PCDH11X: variants seen among roughly 807,000 people sequenced by gnomAD.
PCDH11X encodes protocadherin-11 X-linked.
In PCDH11X, 18 loss-of-function variants were observed where a neutral mutation model predicts 53.3. That is an observed-to-expected ratio of 0.34 (90% CI 0.23 to 0.50). The LOEUF (loss-of-function observed/expected upper bound fraction) is 0.50. PCDH11X is among the 20% of genes least tolerant of loss of function. The probability of loss-of-function intolerance (pLI) is 0.98; values close to 1 mark genes in which losing one functional copy is unlikely to be tolerated. For missense variants in PCDH11X, 570 were observed against 1,032.4 expected (o/e 0.55, Z 6.14); for synonymous variants, 279 against 393.3 (o/e 0.71, Z 3.44).
At chrX:92,310,326 T>C (rs1217913569) in intron 8 of PCDH11X, among the ~76,000 whole-genome samples, 4 of 112,613 alleles carry the variant, frequency 3.6e-5, no homozygotes, top group Non-Finnish European at 7.5e-5. Context: ...AATCTTTTTC[T>C]TTTGGAAACA....
At chrX:92,279,611 G>T (rs746453097) in intron 8 of PCDH11X, among the ~76,000 whole-genome samples, 4 of 112,220 alleles carry the variant, frequency 3.6e-5, no homozygotes, top group Non-Finnish European at 5.6e-5. Flanking sequence ...TATAAAGTTG[G>T]TTGGGCAGAA....
At chrX:91,960,673 C>T (rs1470260395) in intron 6 of PCDH11X, among the ~76,000 whole-genome samples, 5 of 111,450 alleles carry the variant, frequency 4.5e-5, no homozygotes, top group Non-Finnish European at 9.4e-5. Flanking sequence ...ATCCACCTGC[C>T]TCGGCCTCCC....
chrX:92,323,786 G>C (rs1329470210), intron 8 of PCDH11X, among the ~76,000 whole-genome samples: 1 of 110,587 alleles, frequency 9.0e-6, no homozygotes, highest in Non-Finnish European at 1.9e-5. Flanking sequence ...AGACTCACCA[G>C]CTTTTTAACA....
At chrX:92,255,838 G>C (rs1603235416) in intron 7 of PCDH11X, among the ~76,000 whole-genome samples, 1 of 112,306 alleles carries the variant, frequency 8.9e-6, no homozygotes, top group South Asian at 3.7e-4. Flanking sequence ...TCTCTTCAAA[G>C]CTGTCAGACA....
chrX:92,221,328 T>C (rs1439108564), intron 7 of PCDH11X, among the ~76,000 whole-genome samples: 24 of 63,958 alleles, frequency 3.8e-4, no homozygotes, highest in East Asian at 1.1e-3. Flanking sequence ...CACACACACA[T>C]ATATACGAAG....
rs1290476824 is a variant in PCDH11X, at chrX:92,622,758, C to T, written c.*3818C>T. The T allele has an allele frequency of 9.1e-6, 1 of 109,376 alleles. No individual in the cohort carries two copies. The highest frequency in any genetic ancestry group is 1.9e-5 in the Non-Finnish European group (1 of 52,331). 9.0% of individuals were successfully genotyped at this position (109,376 alleles called of 1,213,427 possible). On this transcript the variant is annotated 3_prime_UTR_variant, in exon 11 of 11. Coordinates refer to ENST00000682573, the MANE Select transcript of PCDH11X (RefSeq NM_032968.5). ...ATGCAGAGGCCTTAAAATATTCTTTCACAGTAGCTTTCTTACACTAACCGT... is the reference window on the plus strand; with the variant it reads ...ATGCAGAGGCCTTAAAATATTCTTTTACAGTAGCTTTCTTACACTAACCGT...
At chrX:92,451,800 A>C (rs1295959386) in intron 9 of PCDH11X, among the ~76,000 whole-genome samples, 2 of 111,951 alleles carry the variant, frequency 1.8e-5, no homozygotes, top group Non-Finnish European at 3.8e-5. Context: ...TTTAGTAGAC[A>C]GACAGAAATG....
chrX:92,446,837 A>G (rs1256311806), intron 9 of PCDH11X, among the ~76,000 whole-genome samples: 2 of 111,542 alleles, frequency 1.8e-5, no homozygotes, highest in South Asian at 3.7e-4. Context: ...AATGTGGGAA[A>G]GTTTGGAACT....
chrX:92,357,088 A>G (rs1251871099), intron 8 of PCDH11X, among the ~76,000 whole-genome samples: 1 of 102,820 alleles, frequency 9.7e-6, no homozygotes, highest in Non-Finnish European at 2.0e-5. Context: ...GGCCTTTTTT[A>G]TTTTTTCTGA....
At chrX:92,094,179 A>G (rs1224388844) in intron 6 of PCDH11X, among the ~76,000 whole-genome samples, 1 of 107,622 alleles carries the variant, frequency 9.3e-6, no homozygotes, top group Non-Finnish European at 1.9e-5. Flanking sequence ...GTGTGTGTAT[A>G]TATATATAAA....
chrX:91,927,866 A>C (rs1298403980), intron 6 of PCDH11X, among the ~76,000 whole-genome samples: 1 of 111,032 alleles, frequency 9.0e-6, no homozygotes, highest in Non-Finnish European at 1.9e-5. Context: ...TGGCTTAGAC[A>C]TGAACATGAT....
rs776262079 is a variant in PCDH11X at position 92,306,621 on chromosome X, GTAA to G, written c.3144+43492_3144+43494del. On this transcript the variant is annotated intron_variant, in intron 8 of 10. Transcript: ENST00000682573. ...CTATAATTGTAAAGAGATTGAATCA[GTAA>G]TAATAATAATAATTAAAAAAAAAAA... Among the ~76,000 whole-genome samples, 190 of 104,556 alleles carry G rather than the reference GTAA, an allele frequency of 1.8e-3. 1 individual carries two copies. Among genetic ancestry groups the G allele is most frequent in the African/African-American group, 6.0e-3 (172 of 28,873 alleles). 90.8% of individuals were successfully genotyped at this position (104,556 alleles called of 115,157 possible).
At chrX:92,181,349 G>T (rs2065995145) in intron 6 of PCDH11X, among the ~76,000 whole-genome samples, 1 of 111,703 alleles carries the variant, frequency 9.0e-6, no homozygotes, top group Non-Finnish European at 1.9e-5. Flanking sequence ...TGCTGTTAAA[G>T]GCATTCAGTT....
At chrX:91,845,352 A>G (rs1002253691) in intron 5 of PCDH11X, among the ~76,000 whole-genome samples, 1 of 108,943 alleles carries the variant, frequency 9.2e-6, no homozygotes, top group Non-Finnish European at 1.9e-5. Context: ...AGGCATTTAA[A>G]TCTTTTAATT....
intron 7 of PCDH11X, among the ~76,000 whole-genome samples, chrX:92,203,927 A>G (rs1261138522): frequency 8.9e-6 from 1 of 112,344 alleles, no homozygotes; most frequent in African/African-American, 3.2e-5. Flanking sequence ...TAGAGATGTT[A>G]TCACCTGCAG....
At chrX:92,089,275 A>ATATTAG (rs2064007996) in intron 6 of PCDH11X, among the ~76,000 whole-genome samples, 1 of 111,849 alleles carries the variant, frequency 8.9e-6, no homozygotes, top group Non-Finnish European at 1.9e-5. Flanking sequence ...AATCTTCCCA[A>ATATTAG]ATAATGACCA....
intron 6 of PCDH11X, among the ~76,000 whole-genome samples, chrX:91,980,481 A>T (rs2571916): frequency 9.0e-6 from 1 of 110,986 alleles, no homozygotes; most frequent in East Asian, 2.8e-4. Flanking sequence ...TTTTGTTTTA[A>T]TTTGGTTTGG....
At chrX:92,059,460 T>A (rs753303545) in intron 6 of PCDH11X, among the ~76,000 whole-genome samples, 4 of 110,708 alleles carry the variant, frequency 3.6e-5, no homozygotes, top group Admixed American at 9.7e-5. Flanking sequence ...TGCTTCTGAG[T>A]ACTCAGAATC....
At chrX:91,986,244 A>C (rs2062225996) in intron 6 of PCDH11X, among the ~76,000 whole-genome samples, 1 of 111,601 alleles carries the variant, frequency 9.0e-6, no homozygotes, top group Admixed American at 9.5e-5. Context: ...TATACCCACT[A>C]AAATAGTAAA....
Sources: allele counts gnomAD v4.1 joint callset (sites outside exome capture counted in the v4.1 genomes callset), GRCh38; gene constraint gnomAD v4.1.1; transcripts MANE v1.5; gene names NCBI Gene and HGNC (gene_info 2026-07-23, HGNC 2026-07-21).